The following HPD variants were observed in gnomAD, a reference collection of about 807,000 sequenced individuals.
HPD encodes the protein 4-hydroxyphenylpyruvate dioxygenase.
A neutral mutation model predicts 56.9 loss-of-function variants in HPD; 35 were observed. The observed-to-expected ratio is 0.62, with a 90% CI of 0.47 to 0.82. The LOEUF is 0.82. Among genes scored for constraint, HPD ranks in the 40% least tolerant of loss-of-function variants. The pLI is 0.00. For synonymous variants in HPD, 186 were observed against 200.2 expected (o/e 0.93, Z 0.60); for missense variants, 442 against 506.8 (o/e 0.87, Z 1.23).
At chr12:121,864,526 C>A (rs1321995092), upstream of HPD, among the ~76,000 whole-genome samples, 3 of 144,692 alleles carry the variant, frequency 2.1e-5, no homozygotes, top group Non-Finnish European at 4.5e-5. Context: ...GTACTCCAGC[C>A]TGGGCAACAG....
chr12:121,854,739 G>T lies in HPD; in HGVS notation c.378C>A (p.Asp126Glu), dbSNP rs1231820650. 1 of 1,614,136 alleles carries T rather than the reference G, an allele frequency of 6.2e-7. No individual in the cohort carries two copies. The highest frequency in any genetic ancestry group is 8.5e-7 in the Non-Finnish European group (1 of 1,179,976). The stretch of plus-strand genomic sequence containing the variant: ...CAGCAAACTTCACCTTCCCAAACTT[G>T]TCTTGCTCTACCCAGGGCTCCCGCA... ...KIMREPWVEQ[D>E]KFGKVKFAVL... The change falls in exon 7 of 14, where the codon GAC (aspartate) becomes GAA (glutamate). Residue 126 changes from aspartate (D) to glutamate (E), a missense_variant. Transcript: ENST00000289004.
intron 8 of HPD, among the ~76,000 whole-genome samples, chr12:121,849,339 T>A (rs1017939454): frequency 6.6e-6 from 1 of 152,120 alleles, no homozygotes; most frequent in Non-Finnish European, 1.5e-5. Context: ...CTCACACTTA[T>A]GTAGCATTTA....
intron 11 of HPD, among the ~76,000 whole-genome samples, chr12:121,844,797 C>T (rs914113543): frequency 5.3e-5 from 8 of 151,770 alleles, no homozygotes; most frequent in Admixed American, 2.6e-4. Flanking sequence ...AGGAGAATGG[C>T]GTAAACCCGG....
the HPD span, among the ~76,000 whole-genome samples, chr12:121,873,143 T>C: frequency 6.6e-6 from 1 of 152,166 alleles, no homozygotes; most frequent in Admixed American, 6.6e-5. Flanking sequence ...TAAAATAAAG[T>C]TGACTGATTT....
At chr12:121,859,506 AG>A (rs1878121407), upstream of HPD, among the ~76,000 whole-genome samples, 1 of 152,226 alleles carries the variant, frequency 6.6e-6, no homozygotes, top group South Asian at 2.1e-4. Context: ...AGCAAGCGGC[AG>A]GGAAGAACTG....
chr12:121,859,180 C>T, upstream of HPD: 1 of 380,210 alleles, frequency 2.6e-6, no homozygotes, highest in African/African-American at 2.1e-5. Context: ...GTGGCGGCTC[C>T]AGAACTCTTG....
chr12:121,840,248 G>A (rs77508031), intron 12 of HPD, among the ~76,000 whole-genome samples, 200 bp from the exon 13 acceptor site: 2,245 of 152,156 alleles, frequency 0.015, 48 homozygotes, highest in African/African-American at 0.052. Flanking sequence ...ACTGCTGCCC[G>A]CTTCTAATCT....
At position 121,857,062 on chromosome 12, in the gene HPD, G is replaced by T. The variant is rs1244255911; in HGVS notation, c.198+266C>A. 7.7e-6 allele frequency: 4 copies of T among 519,384 alleles called. No homozygotes were observed. In the African/African-American group the frequency reaches 7.7e-5, roughly 10 times the overall value. The allele number at this position is 519,384 out of a possible 1,614,324, so 32.2% of individuals were successfully genotyped here. A position where few individuals can be genotyped will look rare whatever the true frequency, so the allele number is the denominator to read the frequency against. On this transcript the variant is annotated intron_variant, in intron 4 of 13. Transcript: ENST00000289004. ...TGAATTATATGTTTTTGTTGTTGTT[G>T]TTGGGGTTTTTTGTTGTTTTTTGTT...
chr12:121,879,482 G>GTTCTCTTCTC, the HPD span, among the ~76,000 whole-genome samples: 38,984 of 147,808 alleles, frequency 0.26, 7,230 homozygotes, highest in African/African-American at 0.53. Context: ...TTTCTCTTCT[G>GTTCTCTTCTC]TTCTCTTCTC....
intron 7 of HPD, among the ~76,000 whole-genome samples, chr12:121,852,807 G>A (rs969506805): frequency 9.3e-5 from 14 of 151,318 alleles, no homozygotes; most frequent in African/African-American, 2.7e-4. Flanking sequence ...GCTAACTTTT[G>A]TATTTTTTTT....
upstream of HPD, chr12:121,859,314 A>G: frequency 4.3e-6 from 1 of 232,154 alleles, no homozygotes; most frequent in South Asian, 6.4e-5. Context: ...TCTGTTACAT[A>G]CAGTGTGACT....
the HPD span, among the ~76,000 whole-genome samples, chr12:121,875,014 C>A: frequency 6.6e-6 from 1 of 152,204 alleles, no homozygotes; most frequent in Non-Finnish European, 1.5e-5. Flanking sequence ...TCTGCCTCAG[C>A]CTCCCAAAGT....
chr12:121,882,131 A>C, the HPD span, among the ~76,000 whole-genome samples: 4 of 151,984 alleles, frequency 2.6e-5, no homozygotes, highest in Admixed American at 2.6e-4. Flanking sequence ...GGGCCAACTC[A>C]TGAGCGAGCC....
chr12:121,888,194 C>T, the HPD span, among the ~76,000 whole-genome samples: 1 of 152,164 alleles, frequency 6.6e-6, no homozygotes, highest in African/African-American at 2.4e-5. Flanking sequence ...CAGGAACATC[C>T]AGCACCTTCA....
At chr12:121,854,476 C>G (rs913798145) in intron 7 of HPD, among the ~76,000 whole-genome samples, 2 of 152,166 alleles carry the variant, frequency 1.3e-5, no homozygotes, top group Non-Finnish European at 1.5e-5. Flanking sequence ...GCCTTCACCC[C>G]CTTGCTGTCA....
intron 7 of HPD, among the ~76,000 whole-genome samples, chr12:121,851,691 A>T (rs148751951): frequency 0.051 from 102 of 2,008 alleles, 5 homozygotes; most frequent in African/African-American, 0.23. Flanking sequence ...TCATTTATTT[A>T]TTTATTTATT....
chr12:121,857,118 C>T (rs959083444), intron 4 of HPD: 7 of 563,260 alleles, frequency 1.2e-5, no homozygotes, highest in South Asian at 4.0e-5. Context: ...CTTGCTCTGT[C>T]GCCCAGGCTG....
In HPD at chr12:121,849,935, C is replaced by G. The variant is rs769302937; in HGVS notation, c.415-145G>C. The stretch of plus-strand genomic sequence containing the variant: ...CGTGATCTTGGGTAAGTCACTTCTC[C>G]TTTCTGAAATGAATTGCAATCTGTC... On this transcript the variant is annotated intron_variant, in intron 7 of 13. Coordinates refer to ENST00000289004, the MANE Select transcript of HPD (RefSeq NM_002150.3). The G allele has an allele frequency of 1.8e-4, 124 of 681,568 alleles. 1 individual carries two copies. The highest frequency in any genetic ancestry group is 1.0e-4 in the Admixed American group (5 of 48,588). 42.2% of individuals were successfully genotyped at this position (681,568 alleles called of 1,614,324 possible).
At chr12:121,886,708 T>C in the HPD span, among the ~76,000 whole-genome samples, 1 of 152,122 alleles carries the variant, frequency 6.6e-6, no homozygotes, top group Non-Finnish European at 1.5e-5. Flanking sequence ...TTCTCTCATA[T>C]AATTGCAACA....
Sources: gnomAD v4.1 joint callset for allele counts (sites outside exome capture counted in the v4.1 genomes callset) on GRCh38, gnomAD v4.1.1 for gene constraint, MANE v1.5 for transcripts, NCBI Gene and HGNC (gene_info 2026-07-23, HGNC 2026-07-21) for gene names.